Variants in TIMP1 observed in about 807,000 individuals in gnomAD.
TIMP1 encodes metalloproteinase inhibitor 1.
TIMP1 carries 5 observed loss-of-function variants against 13.7 expected under a neutral mutation model. The observed-to-expected ratio is 0.36, with a 90% CI of 0.19 to 0.76. The LOEUF (loss-of-function observed/expected upper bound fraction) is 0.76. TIMP1 is among the 30% of genes least tolerant of loss of function. TIMP1 has a pLI of 0.51. For missense variants in TIMP1, 131 were observed against 168.4 expected (o/e 0.78, Z 1.23); for synonymous variants, 63 against 67.1 (o/e 0.94, Z 0.30).
chrX:47,582,699 C>T, intron 1 of TIMP1: 1 of 237,716 alleles, frequency 4.2e-6, no homozygotes. Context: ...GCCCCCAATT[C>T]CCCCAAACCC....
intron 5 of TIMP1, 59 bp downstream of exon 5, chrX:47,585,726 C>T (rs1446472569): frequency 3.3e-6 from 4 of 1,195,345 alleles, no homozygotes; most frequent in Non-Finnish European, 3.4e-6. Context: ...TTCCCTAAAT[C>T]GTGGGCTTGT....
chrX:47,585,772 C>A, intron 5 of TIMP1, 105 bp downstream of exon 5: 1 of 1,165,992 alleles, frequency 8.6e-7, no homozygotes. Context: ...GTCCCTGTGG[C>A]TGCTCCCCAA....
At position 47,585,633 on chromosome X, in the gene TIMP1, C is replaced by T. The variant is rs1401979268; in HGVS notation, c.419C>T (p.Thr140Ile). 1 of 1,200,450 alleles carries T rather than the reference C, an allele frequency of 8.3e-7. No homozygotes were observed. Among genetic ancestry groups the T allele is most frequent in the Admixed American group, 2.2e-5 (1 of 45,377 alleles). Residue 140 changes from threonine to isoleucine, a missense_variant, in exon 5 of 6, where the codon ACC becomes ATC. Thr to Ile is a moderately conservative substitution (Grantham distance 89). Transcript: ENST00000218388. ...SLSLAQRRGF[T>I]KTYTVGCEEC... ...AGCTTAGCTCAGCGCCGGGGCTTCA[C>T]CAAGACCTACACTGTTGGCTGTGAG...
intron 2 of TIMP1, 63 bp downstream of exon 2, chrX:47,583,599 C>T: frequency 9.1e-7 from 1 of 1,103,647 alleles, no homozygotes; most frequent in East Asian, 3.1e-5. Context: ...TCCAGTGGGG[C>T]TCACCATGGC....
chrX:47,584,863 T>C (rs2057816194), intron 2 of TIMP1, 73 bp from the exon 3 acceptor site: 1 of 894,514 alleles, frequency 1.1e-6, no homozygotes, highest in Admixed American at 2.4e-5. Flanking sequence ...GGTATGATGA[T>C]GATGATGATG....
At chrX:47,582,558 G>A (rs772132753) in intron 1 of TIMP1, 84 bp downstream of exon 1, 8 of 362,541 alleles carry the variant, frequency 2.2e-5, no homozygotes, top group South Asian at 2.0e-4. Context: ...GCACTCCCGT[G>A]CCAGATGCCT....
At position 47,585,652 on chromosome X, in the gene TIMP1, C is replaced by A. The variant is rs2057821832; in HGVS notation, c.438C>A (p.Gly146=). 1 of 1,205,599 alleles carries A rather than the reference C, an allele frequency of 8.3e-7. No individual in the cohort carries two copies. The highest frequency in any genetic ancestry group is 1.7e-5 in the African/African-American group (1 of 57,795). The change falls in exon 5 of 6, where the codon GGC becomes GGA. Residue 146 remains glycine, a synonymous_variant. Coordinates refer to ENST00000218388, the MANE Select transcript of TIMP1 (RefSeq NM_003254.3). ...GCTTCACCAAGACCTACACTGTTGG[C>A]TGTGAGGAATGCACAGTGAGTGCCT... ...RRGFTKTYTV[G]CEECTVFPCL...
intron 2 of TIMP1, among the ~76,000 whole-genome samples, chrX:47,584,135 C>A (rs950506292): frequency 9.0e-6 from 1 of 111,277 alleles, no homozygotes; most frequent in Admixed American, 9.5e-5. Flanking sequence ...TGAAGGCAGG[C>A]CAAGGGGAAT....
At chrX:47,582,881 C>G (rs1422040156) in intron 1 of TIMP1, among the ~76,000 whole-genome samples, 1 of 95,295 alleles carries the variant, frequency 1.0e-5, no homozygotes, top group Non-Finnish European at 2.1e-5. Context: ...CCCTCAAATT[C>G]CTCAAGTATC....
chrX:47,584,855 T>TATGATG (rs753438356), intron 2 of TIMP1, 81 bp from the exon 3 acceptor site: 608 of 851,237 alleles, frequency 7.1e-4, no homozygotes, highest in Non-Finnish European at 9.8e-4. Flanking sequence ...GCTTTGCTGG[T>TATGATG]ATGATGATGA....
At position 47,585,208 on chromosome X, in the gene TIMP1, T is replaced by G. The variant is rs774396901; in HGVS notation, c.205T>G (p.Tyr69Asp). The change falls in exon 4 of 6, where the codon TAT becomes GAT. Residue 69 changes from tyrosine (Y) to aspartate (D), a missense_variant. Tyr to Asp is a radical substitution (Grantham distance 160). Coordinates refer to ENST00000218388, the MANE Select transcript of TIMP1 (RefSeq NM_003254.3). Reference protein sequence around the residue: ...QRYEIKMTKMYKGFQALGDAA... With the variant: ...QRYEIKMTKMDKGFQALGDAA... ...ACTTCCCCTCATCCATCAACAGATG[T>G]ATAAAGGGTTCCAAGCCTTAGGGGA... The G allele has an allele frequency of 8.4e-7, 1 of 1,185,677 alleles. No individual in the cohort carries two copies. Among genetic ancestry groups the G allele is most frequent in the South Asian group, 1.9e-5 (1 of 52,796 alleles).
intron 2 of TIMP1, 145 bp from the exon 3 acceptor site, chrX:47,584,791 G>A: frequency 2.0e-6 from 1 of 492,578 alleles, no homozygotes. Flanking sequence ...ATGAACAAAT[G>A]TGTAAATCAC....
intron 5 of TIMP1, chrX:47,585,976 T>G: frequency 9.6e-7 from 1 of 1,044,909 alleles, no homozygotes. Context: ...TGTTTCTTGG[T>G]TCCCCAGAAT....
At chrX:47,586,143 C>T (rs919265174) in intron 5 of TIMP1, 327 of 939,300 alleles carry the variant, frequency 3.5e-4, no homozygotes, top group Admixed American at 1.0e-3. Context: ...TCCTGATGGC[C>T]TCTGAGCCCA....
intron 1 of TIMP1, among the ~76,000 whole-genome samples, chrX:47,582,774 C>T (rs980486508): frequency 3.2e-5 from 3 of 94,672 alleles, no homozygotes; most frequent in Non-Finnish European, 6.2e-5. Flanking sequence ...CCGAAATTTC[C>T]CTCATCGCCC....
chrX:47,584,680 G>A (rs2057815159), intron 2 of TIMP1, among the ~76,000 whole-genome samples: 1 of 112,152 alleles, frequency 8.9e-6, no homozygotes, highest in Non-Finnish European at 1.9e-5. Flanking sequence ...GGCACACAGT[G>A]GGCACTCCCA....
rs1310743953 is a variant in TIMP1 at position 47,583,524 on chromosome X, A to G, written c.109A>G (p.Asn37Asp). ...VPPHPQTAFC[N>D]SDLVIRAKFV... is the part of the protein sequence containing the mutation. ...ACCCCACCCACAGACGGCCTTCTGC[A>G]ATTCCGACCTCGGTGAGTCCTCACC... is the stretch of plus-strand genomic sequence containing the variant. Residue 37 changes from asparagine to aspartate, a missense_variant, in exon 2 of 6, where the codon AAT becomes GAT. Transcript: ENST00000218388. 2 of 1,196,353 alleles carry G rather than the reference A, an allele frequency of 1.7e-6. No homozygotes were observed. The highest frequency in any genetic ancestry group is 2.2e-5 in the Admixed American group (1 of 44,722).
In TIMP1 at chrX:47,586,553, G is replaced by A; in HGVS notation, c.486G>A (p.Leu162=). Residue 162 remains leucine (L), a synonymous_variant, in exon 6 of 6, where the codon CTG becomes CTA. Transcript: ENST00000218388. The stretch of plus-strand genomic sequence containing the variant: ...CCTGTTTATCCATCCCCTGCAAACT[G>A]CAGAGTGGCACTCATTGCTTGTGGA... ...VFPCLSIPCK[L]QSGTHCLWTD... is the part of the protein sequence containing the mutation. 8.3e-7 allele frequency: 1 copy of A among 1,211,851 alleles called. No homozygotes were observed. The highest frequency in any genetic ancestry group is 1.7e-5 in the African/African-American group (1 of 57,886).
intron 2 of TIMP1, 82 bp from the exon 3 acceptor site, chrX:47,584,854 G>A: frequency 2.3e-6 from 2 of 858,171 alleles, no homozygotes; most frequent in South Asian, 4.4e-5. Flanking sequence ...CGCTTTGCTG[G>A]TATGATGATG....
Sources: allele counts gnomAD v4.1 joint callset (sites outside exome capture counted in the v4.1 genomes callset), GRCh38; gene constraint gnomAD v4.1.1; transcripts MANE v1.5; gene names NCBI Gene and HGNC (gene_info 2026-07-23, HGNC 2026-07-21).